ACTN2: variants seen among roughly 807,000 people sequenced by gnomAD.
The protein encoded by ACTN2 is actinin alpha 2.
Under a neutral mutation model 113.8 loss-of-function variants are expected in ACTN2, and 39 were observed. The observed-to-expected ratio is 0.34, with a 90% CI of 0.27 to 0.45. The LOEUF (loss-of-function observed/expected upper bound fraction) is 0.45, where lower values mean the gene tolerates loss of function less well. Among genes scored for constraint, ACTN2 ranks in the 20% least tolerant of loss-of-function variants. ACTN2 has a pLI of 1.00. For synonymous variants in ACTN2, 429 were observed against 444.1 expected (o/e 0.97, Z 0.43); for missense variants, 992 against 1,177.9 (o/e 0.84, Z 2.31).
intron 4 of ACTN2, among the ~76,000 whole-genome samples, chr1:236,725,023 T>C (rs953380716): frequency 6.6e-6 from 1 of 152,168 alleles, no homozygotes; most frequent in South Asian, 2.1e-4. Flanking sequence ...TTAGTTGTCA[T>C]CAACTACACA....
intron 1 of ACTN2, among the ~76,000 whole-genome samples, chr1:236,704,396 C>T (rs1185883021): frequency 6.6e-6 from 1 of 152,184 alleles, no homozygotes; most frequent in Non-Finnish European, 1.5e-5. Flanking sequence ...TGGGTGTACT[C>T]CAGTGTATTT....
chr1:236,751,738 G>A, intron 15 of ACTN2, 86 bp downstream of exon 15: 1 of 1,492,592 alleles, frequency 6.7e-7, no homozygotes, highest in South Asian at 1.2e-5. Context: ...GGGGACTTAG[G>A]GTGACGGCCT....
At chr1:236,736,991 C>T (rs1266254348) in intron 8 of ACTN2, 131 bp from the exon 9 acceptor site, 2 of 731,336 alleles carry the variant, frequency 2.7e-6, no homozygotes, top group Non-Finnish European at 4.8e-6. Context: ...TCTGACCGCA[C>T]CCTAAGCTAG....
At chr1:236,736,424 A>G in intron 8 of ACTN2, 1 of 610,856 alleles carries the variant, frequency 1.6e-6, no homozygotes, top group South Asian at 2.0e-5. Flanking sequence ...CTGCGGGCCC[A>G]GAAGCCAGTT....
intron 3 of ACTN2, among the ~76,000 whole-genome samples, chr1:236,719,731 G>A (rs1028540907): frequency 1.3e-5 from 2 of 151,894 alleles, no homozygotes; most frequent in East Asian, 3.9e-4. Context: ...CCCAGGAGGC[G>A]GAGGTTGCAG....
In ACTN2 at chr1:236,747,754, G is replaced by A; in HGVS notation, c.1494G>A (p.Gln498=). ...GGGACCGACTGGGAACGCTTACTCAGAAGAGGAGAGAAGCCCTAGAGGTGA... is the reference window on the plus strand; with the variant it reads ...GGGACCGACTGGGAACGCTTACTCAAAAGAGGAGAGAAGCCCTAGAGGTGA... ...DQWDRLGTLT[Q]KRREALERME... Residue 498 remains glutamine, a synonymous_variant, in exon 13 of 21, where the codon CAG becomes CAA. Coordinates refer to ENST00000366578, the MANE Select transcript of ACTN2 (RefSeq NM_001103.4). The A allele has an allele frequency of 6.2e-7, 1 of 1,613,930 alleles. No homozygotes were observed. Among genetic ancestry groups the A allele is most frequent in the South Asian group, 1.1e-5 (1 of 91,030 alleles).
chr1:236,752,062 A>G (rs1002520377), intron 15 of ACTN2, among the ~76,000 whole-genome samples: 6 of 152,338 alleles, frequency 3.9e-5, no homozygotes, highest in African/African-American at 1.4e-4. Flanking sequence ...TTTTAAATGC[A>G]GAAAAATTGC....
At chr1:236,686,842 GT>G (rs1157677674) in intron 1 of ACTN2, 43 bp downstream of exon 1, 2 of 1,370,394 alleles carry the variant, frequency 1.5e-6, no homozygotes, top group Non-Finnish European at 9.5e-7. Context: ...GTGGGGCCGG[GT>G]CCCCCGCGGG....
intron 1 of ACTN2, among the ~76,000 whole-genome samples, chr1:236,695,563 T>TCCCCCCCCCCCCCCCCCC (rs71559972): frequency 9.9e-6 from 1 of 100,796 alleles, no homozygotes; most frequent in Non-Finnish European, 1.9e-5. Flanking sequence ...TGAAATGAGT[T>TCCCCCCCCCCCCCCCCCC]CCCCCCCCCT....
rs748142919 is a variant in ACTN2, at chr1:236,747,778, G to A, written c.1515+3G>A. The A allele has an allele frequency of 1.9e-6, 3 of 1,600,190 alleles. No homozygotes were observed. The highest frequency in any genetic ancestry group is 2.2e-5 in the East Asian group (1 of 44,806). ...AGAAGAGGAGAGAAGCCCTAGAGGT[G>A]AAGTATTGAAGCCACTTGTTGACAT... is the stretch of plus-strand genomic sequence containing the variant. On this transcript the variant is annotated splice_donor_region_variant and intron_variant, in intron 13 of 20. Coordinates refer to ENST00000366578, the MANE Select transcript of ACTN2 (RefSeq NM_001103.4).
chr1:236,757,440 A>AT, intron 17 of ACTN2, 46 bp from the exon 18 acceptor site: 2 of 1,613,286 alleles, frequency 1.2e-6, no homozygotes, highest in Non-Finnish European at 1.7e-6. Flanking sequence ...CAGAGTTGAC[A>AT]TGCTGGAGAG....
At chr1:236,738,365 G>T (rs555068701) in intron 9 of ACTN2, among the ~76,000 whole-genome samples, 1 of 152,198 alleles carries the variant, frequency 6.6e-6, no homozygotes, top group Non-Finnish European at 1.5e-5. Flanking sequence ...AGGACATTTG[G>T]AATAAATGTT....
chr1:236,717,133 G>A (rs1460654720), intron 1 of ACTN2, among the ~76,000 whole-genome samples: 1 of 151,712 alleles, frequency 6.6e-6, no homozygotes, highest in African/African-American at 2.4e-5. Flanking sequence ...ATCACACCTG[G>A]CCTTTGAACA....
chr1:236,726,099 C>T (rs1572120316), intron 5 of ACTN2, 79 bp downstream of exon 5: 39 of 1,297,368 alleles, frequency 3.0e-5, no homozygotes, highest in Middle Eastern at 1.8e-4. Flanking sequence ...TGTGTGCACC[C>T]GTGTTTTCCT....
intron 14 of ACTN2, among the ~76,000 whole-genome samples, chr1:236,750,537 G>A (rs1659364954): frequency 6.6e-6 from 1 of 152,200 alleles, no homozygotes; most frequent in Non-Finnish European, 1.5e-5. Flanking sequence ...TGCACCTAAA[G>A]AGAACAGTAG....
At chr1:236,745,156 C>T (rs1030071821) in intron 12 of ACTN2, among the ~76,000 whole-genome samples, 5 of 152,086 alleles carry the variant, frequency 3.3e-5, no homozygotes, top group East Asian at 1.9e-4. Flanking sequence ...GGGCACTGGC[C>T]GGGCGCGGTG....
At chr1:236,761,530 A>G (rs184129200) in intron 20 of ACTN2, among the ~76,000 whole-genome samples, 3 of 152,238 alleles carry the variant, frequency 2.0e-5, no homozygotes, top group Non-Finnish European at 4.4e-5. Flanking sequence ...AGAAGAAACT[A>G]TGCAATTTAG....
chr1:236,725,753 A>G (rs1416804690), intron 4 of ACTN2, among the ~76,000 whole-genome samples, 180 bp from the exon 5 acceptor site: 1 of 152,106 alleles, frequency 6.6e-6, no homozygotes, highest in Non-Finnish European at 1.5e-5. Flanking sequence ...TGAAGTCCCT[A>G]AGTGTCATCA....
chr1:236,745,581 G>A (rs377487325), intron 12 of ACTN2, among the ~76,000 whole-genome samples: 3 of 152,158 alleles, frequency 2.0e-5, no homozygotes, highest in South Asian at 4.1e-4. Context: ...GAACTGACAC[G>A]ACATTTGAGC....
Sources: allele counts gnomAD v4.1 joint callset (sites outside exome capture counted in the v4.1 genomes callset), GRCh38; gene constraint gnomAD v4.1.1; transcripts MANE v1.5; gene names NCBI Gene and HGNC (gene_info 2026-07-23, HGNC 2026-07-21).